FAM114A2: variants seen among roughly 807,000 people sequenced by gnomAD.
The protein encoded by FAM114A2 is protein FAM114A2.
FAM114A2 carries 53 observed loss-of-function variants against 58.4 expected under a neutral mutation model. That is an observed-to-expected ratio of 0.91 (90% confidence interval 0.73 to 1.14). The LOEUF (loss-of-function observed/expected upper bound fraction) is 1.14. Ranked by LOEUF, FAM114A2 falls within the 50% of genes most tolerant of loss-of-function variation. FAM114A2 has a pLI of 0.00. For synonymous variants in FAM114A2, 228 were observed against 211.4 expected, an observed-to-expected ratio of 1.08 and a Z score of -0.68; for missense variants, 601 against 581.1, an observed-to-expected ratio of 1.03 and a Z score of -0.35.
chr5:154,001,426 A>T (rs1458948553), intron 11 of FAM114A2, among the ~76,000 whole-genome samples: 2 of 152,190 alleles, frequency 1.3e-5, no homozygotes. Flanking sequence ...TTTTCCGCAG[A>T]ACAGGCTCCT....
chr5:153,990,220 C>T lies in FAM114A2; in HGVS notation c.*2756G>A, dbSNP rs544459268. On this transcript the variant is annotated 3_prime_UTR_variant, in exon 14 of 14. Coordinates refer to ENST00000351797, the MANE Select transcript of FAM114A2 (RefSeq NM_018691.4). ...AAGAATTCAGGTTTAAAATTCAGAA[C>T]ACCTCTAGAAATACAGAAAAATGTC... 6.6e-6 allele frequency: 1 copy of T among 152,286 alleles called. No homozygotes were observed. Among genetic ancestry groups the T allele is most frequent in the Non-Finnish European group, 1.5e-5 (1 of 68,022 alleles). 9.4% of individuals were successfully genotyped at this position (152,286 alleles called of 1,614,324 possible). A position where few individuals can be genotyped will look rare whatever the true frequency, so the allele number is the denominator to read the frequency against.
At position 154,001,254 on chromosome 5, in the gene FAM114A2, G is replaced by C. The variant is rs538491586; in HGVS notation, c.1256+997C>G. ...AGTCCTACTTGGTGATATAAGCTAA[G>C]ACAATAAAGCAGAGTAAAAGGACAG... is the stretch of plus-strand genomic sequence containing the variant. On this transcript the variant is annotated intron_variant, in intron 11 of 13. Transcript: ENST00000351797. Among the ~76,000 whole-genome samples the C allele has an allele frequency of 7.0e-4, 107 of 152,238 alleles. 1 individual carries two copies. Among genetic ancestry groups the C allele is most frequent in the South Asian group, 3.5e-3 (17 of 4,822 alleles).
At chr5:154,006,426 A>T (rs1770346737) in intron 9 of FAM114A2, among the ~76,000 whole-genome samples, 1 of 152,204 alleles carries the variant, frequency 6.6e-6, no homozygotes, top group Non-Finnish European at 1.5e-5. Context: ...TTTCAGCTGA[A>T]ATCTGAAGGA....
chr5:154,032,202 A>G (rs1230526182), intron 4 of FAM114A2, among the ~76,000 whole-genome samples: 1 of 152,152 alleles, frequency 6.6e-6, no homozygotes, highest in African/African-American at 2.4e-5. Flanking sequence ...TAAATATTGA[A>G]GTCACCAGAC....
chr5:154,030,770 T>C (rs1275322283), intron 4 of FAM114A2, among the ~76,000 whole-genome samples: 1 of 152,234 alleles, frequency 6.6e-6, no homozygotes, highest in East Asian at 1.9e-4. Flanking sequence ...GCTTAAATAC[T>C]GCACTGCTGA....
chr5:154,015,329 T>C (rs919194261), intron 8 of FAM114A2, among the ~76,000 whole-genome samples: 2 of 152,148 alleles, frequency 1.3e-5, no homozygotes, highest in Non-Finnish European at 2.9e-5. Flanking sequence ...AGCATAAAAA[T>C]AGTGCATTAA....
At chr5:154,001,296 C>T (rs1439113053) in intron 11 of FAM114A2, among the ~76,000 whole-genome samples, 1 of 152,120 alleles carries the variant, frequency 6.6e-6, no homozygotes, top group Non-Finnish European at 1.5e-5. Context: ...GTGGAAGTTG[C>T]TATTTTAGAC....
Position 154,013,336 on chromosome 5 carries a change from A to G in FAM114A2, c.914-2016T>C, listed in dbSNP as rs540666105. Among the ~76,000 whole-genome samples the G allele has an allele frequency of 6.6e-5, 10 of 152,338 alleles. No individual in the cohort carries two copies. In the East Asian group the frequency reaches 1.9e-3, roughly 29 times the overall value. Reference sequence around the variant, plus strand: ...GAGCCCAGGATGCTCATGGAAAATGAAGATAACCAACATCATAACCAGAAC... The same window carrying G: ...GAGCCCAGGATGCTCATGGAAAATGGAGATAACCAACATCATAACCAGAAC... On this transcript the variant is annotated intron_variant, in intron 8 of 13. Coordinates refer to ENST00000351797, the MANE Select transcript of FAM114A2 (RefSeq NM_018691.4).
intron 8 of FAM114A2, among the ~76,000 whole-genome samples, chr5:154,017,294 T>C (rs1212402600): frequency 6.6e-6 from 1 of 151,986 alleles, no homozygotes; most frequent in Non-Finnish European, 1.5e-5. Flanking sequence ...AATACAAAAT[T>C]AGCCAGGCGT....
At chr5:154,004,478 C>G (rs1770220596) in intron 9 of FAM114A2, among the ~76,000 whole-genome samples, 1 of 152,196 alleles carries the variant, frequency 6.6e-6, no homozygotes. Flanking sequence ...CTCCTGAAAA[C>G]TTATTCCAAA....
At chr5:153,994,254 T>A (rs180830155) in intron 13 of FAM114A2, among the ~76,000 whole-genome samples, 1 of 152,158 alleles carries the variant, frequency 6.6e-6, no homozygotes, top group East Asian at 1.9e-4. Flanking sequence ...AACTTAACTA[T>A]CAAATATATT....
intron 8 of FAM114A2, among the ~76,000 whole-genome samples, chr5:154,022,132 C>T (rs1265093221): frequency 6.6e-6 from 1 of 152,116 alleles, no homozygotes; most frequent in Non-Finnish European, 1.5e-5. Context: ...ACACCTTATA[C>T]AAAAATCAAT....
intron 8 of FAM114A2, among the ~76,000 whole-genome samples, chr5:154,023,933 A>G (rs571610848): frequency 6.6e-6 from 1 of 152,188 alleles, no homozygotes; most frequent in Non-Finnish European, 1.5e-5. Flanking sequence ...AGTTAACTTT[A>G]TGTTTCCTGT....
chr5:153,999,028 T>A, intron 11 of FAM114A2, among the ~76,000 whole-genome samples: 1 of 152,188 alleles, frequency 6.6e-6, no homozygotes, highest in East Asian at 1.9e-4. Context: ...TCATGCTAGT[T>A]TTGCTGTTGC....
Position 154,027,219 on chromosome 5 carries a change from T to C in FAM114A2, c.746A>G (p.His249Arg). 3 of 1,613,682 alleles carry C rather than the reference T, an allele frequency of 1.9e-6. No homozygotes were observed. Among genetic ancestry groups the C allele is most frequent in the Non-Finnish European group, 2.5e-6 (3 of 1,179,728 alleles). Reference sequence around the variant, plus strand: ...GGAAAGCATCTCCAGAGCTTCTAGATGTGAAAGGCCTTGAAATTCATCAAA... The same window carrying C: ...GGAAAGCATCTCCAGAGCTTCTAGACGTGAAAGGCCTTGAAATTCATCAAA... ...LLFDEFQGLS[H>R]LEALEMLSQE... Residue 249 changes from histidine to arginine, a missense_variant, in exon 7 of 14, where the codon CAT (histidine) becomes CGT (arginine). Transcript: ENST00000351797.
chr5:154,031,871 T>A (rs1052616313), intron 4 of FAM114A2, among the ~76,000 whole-genome samples: 1 of 152,212 alleles, frequency 6.6e-6, no homozygotes, highest in African/African-American at 2.4e-5. Context: ...AAATTTACTA[T>A]GCCAAAGGGA....
At chr5:153,995,254 C>T in intron 12 of FAM114A2, 1 of 266,014 alleles carries the variant, frequency 3.8e-6, no homozygotes, top group Non-Finnish European at 7.1e-6. Flanking sequence ...ACCTTAGAAC[C>T]ATTTTAAAAC....
At chr5:154,011,120 A>G (rs1422660508) in intron 9 of FAM114A2, 121 bp downstream of exon 9, 3 of 709,340 alleles carry the variant, frequency 4.2e-6, no homozygotes, top group African/African-American at 1.8e-5. Flanking sequence ...AATTCTGGGT[A>G]TAACGAGAAT....
At chr5:154,031,957 C>T (rs1320314316) in intron 4 of FAM114A2, among the ~76,000 whole-genome samples, 3 of 152,226 alleles carry the variant, frequency 2.0e-5, no homozygotes, top group African/African-American at 7.2e-5. Context: ...AGACAGAAGG[C>T]CAGATGTTTC....
Sources: gnomAD v4.1 joint callset for allele counts (sites outside exome capture counted in the v4.1 genomes callset) on GRCh38, gnomAD v4.1.1 for gene constraint, MANE v1.5 for transcripts, NCBI Gene and HGNC (gene_info 2026-07-23, HGNC 2026-07-21) for gene names.